Variants in DYRK1A observed in about 807,000 individuals in gnomAD.
DYRK1A encodes dual specificity tyrosine-phosphorylation-regulated kinase 1A.
DYRK1A carries 9 observed loss-of-function variants against 79.7 expected under a neutral mutation model. That is an observed-to-expected ratio of 0.11 (90% CI 0.07 to 0.20). The LOEUF (loss-of-function observed/expected upper bound fraction) is 0.20. Ranked by LOEUF, DYRK1A falls within the 10% of genes least tolerant of loss-of-function variation. The pLI is 1.00. For missense variants in DYRK1A, 622 were observed against 956.0 expected, an observed-to-expected ratio of 0.65 and a Z score of 4.61; for synonymous variants, 349 against 329.7, an observed-to-expected ratio of 1.06 and a Z score of -0.63.
At chr21:37,418,992 A>G (rs748742538) in intron 1 of DYRK1A, 6 of 152,230 alleles carry the variant, frequency 3.9e-5, no homozygotes, top group Non-Finnish European at 7.3e-5. Context: ...GAGCTTTTAA[A>G]GAACCTGGGA....
intron 1 of DYRK1A, among the ~76,000 whole-genome samples, chr21:37,393,211 T>A (rs1164113290): frequency 6.6e-6 from 1 of 152,156 alleles, no homozygotes; most frequent in Non-Finnish European, 1.5e-5. Flanking sequence ...TCTCAGTAAG[T>A]GAGTGCATTG....
chr21:37,372,134 C>A (rs1047700835), intron 1 of DYRK1A, among the ~76,000 whole-genome samples: 19 of 151,874 alleles, frequency 1.3e-4, no homozygotes, highest in African/African-American at 4.4e-4. Context: ...ATCTTGGCAC[C>A]CATGTATTTG....
At chr21:37,385,068 C>G (rs2049733527) in intron 1 of DYRK1A, among the ~76,000 whole-genome samples, 1 of 151,816 alleles carries the variant, frequency 6.6e-6, no homozygotes, top group Non-Finnish European at 1.5e-5. Flanking sequence ...TTGTGACAAG[C>G]AGAAGTTGGC....
chr21:37,367,657 C>T (rs2049336725), intron 1 of DYRK1A, 29 bp downstream of exon 1: 1 of 145,490 alleles, frequency 6.9e-6, no homozygotes, highest in African/African-American at 2.5e-5. Context: ...CGCGGCCCCG[C>T]CCGGCCTGGC....
At chr21:37,495,152 T>TTGTGTGTGTGTG (rs56226706) in intron 8 of DYRK1A, among the ~76,000 whole-genome samples, 25 of 137,738 alleles carry the variant, frequency 1.8e-4, no homozygotes, top group Non-Finnish European at 1.7e-4. Flanking sequence ...CTCTGGGATT[T>TTGTGTGTGTGTG]TGTGTGTGTG....
chr21:37,516,507 CTTAT>C lies in DYRK1A; in HGVS notation c.*3979_*3982del, dbSNP rs1267325748. The C allele has an allele frequency of 2.0e-5, 3 of 152,156 alleles. No individual in the cohort carries two copies. Among genetic ancestry groups the C allele is most frequent in the Non-Finnish European group, 4.4e-5 (3 of 68,022 alleles). The allele number at this position is 152,156 out of a possible 1,614,324, so 9.4% of individuals were successfully genotyped here. A position where few individuals can be genotyped will look rare whatever the true frequency, so the allele number is the denominator to read the frequency against. On this transcript the variant is annotated 3_prime_UTR_variant, in exon 12 of 12. Coordinates refer to ENST00000647188, the MANE Select transcript of DYRK1A (RefSeq NM_001347721.2). ...AAGAGAAGAAACCCTAAGAAGATAG[CTTAT>C]TTGTTATCCTCCCTTTTAATGACTA...
At chr21:37,463,886 T>G (rs977432844) in intron 2 of DYRK1A, among the ~76,000 whole-genome samples, 1 of 152,244 alleles carries the variant, frequency 6.6e-6, no homozygotes, top group Non-Finnish European at 1.5e-5. Context: ...CTCATAAGTT[T>G]CCACATTTAG....
chr21:37,475,222 T>G (rs1233610522), intron 3 of DYRK1A, among the ~76,000 whole-genome samples: 1 of 152,226 alleles, frequency 6.6e-6, no homozygotes, highest in Non-Finnish European at 1.5e-5. Flanking sequence ...TCACCTCAAC[T>G]TCCCTTTTAT....
intron 1 of DYRK1A, among the ~76,000 whole-genome samples, chr21:37,377,415 C>T (rs144954836): frequency 3.3e-5 from 5 of 151,970 alleles, no homozygotes; most frequent in East Asian, 1.9e-4. Context: ...CACCGTGCCC[C>T]GCATTTTTTT....
At chr21:37,490,704 T>G (rs1241388197) in intron 7 of DYRK1A, among the ~76,000 whole-genome samples, 1 of 151,830 alleles carries the variant, frequency 6.6e-6, no homozygotes, top group Non-Finnish European at 1.5e-5. Context: ...TAGCACTTAA[T>G]TACCTTGTGT....
intron 2 of DYRK1A, among the ~76,000 whole-genome samples, chr21:37,424,499 T>C (rs2050564339): frequency 6.6e-6 from 1 of 152,196 alleles, no homozygotes; most frequent in African/African-American, 2.4e-5. Flanking sequence ...ATTTTGAATA[T>C]TCAGGATGAT....
intron 2 of DYRK1A, among the ~76,000 whole-genome samples, chr21:37,449,059 C>T (rs767280814): frequency 1.3e-5 from 2 of 152,100 alleles, no homozygotes; most frequent in South Asian, 2.1e-4. Flanking sequence ...TACTTTTGTA[C>T]CTCTTCTCCA....
chr21:37,417,544 T>TC lies in DYRK1A; in HGVS notation c.-76-2755_-76-2754insC, dbSNP rs1569304704. On this transcript the variant is annotated intron_variant, in intron 1 of 11. Transcript: ENST00000647188. ...TTTTCTTTTTCTTTTTTTTTTTTTT[T>TC]TTTTTTTTTTACAAATCTTGGTGTA... Among the ~76,000 whole-genome samples, 62 of 127,480 alleles carry TC rather than the reference T, an allele frequency of 4.9e-4. 1 individual carries two copies. Among genetic ancestry groups the TC allele is most frequent in the East Asian group, 1.9e-3 (9 of 4,826 alleles). The allele number at this position is 127,480 out of a possible 152,430, so 83.6% of individuals were successfully genotyped here. A position where few individuals can be genotyped will look rare whatever the true frequency, so the allele number is the denominator to read the frequency against.
chr21:37,410,071 C>T (rs528156631), intron 1 of DYRK1A, among the ~76,000 whole-genome samples: 1 of 152,242 alleles, frequency 6.6e-6, no homozygotes, highest in African/African-American at 2.4e-5. Flanking sequence ...GATATAAAAA[C>T]TATTTTGAAG....
At chr21:37,368,192 G>A (rs1157340491) in intron 1 of DYRK1A, 1 of 152,164 alleles carries the variant, frequency 6.6e-6, no homozygotes, top group East Asian at 1.9e-4. Flanking sequence ...GGCACTCACT[G>A]GCCTCCGAAG....
intron 1 of DYRK1A, among the ~76,000 whole-genome samples, chr21:37,399,333 A>G (rs1021317225): frequency 3.3e-5 from 5 of 152,072 alleles, no homozygotes; most frequent in Admixed American, 3.3e-4. Flanking sequence ...TTTTGACAAG[A>G]GTGTGATTGC....
chr21:37,474,243 T>C (rs1222878355), intron 3 of DYRK1A, among the ~76,000 whole-genome samples: 1 of 152,266 alleles, frequency 6.6e-6, no homozygotes. Context: ...TTTATCATTA[T>C]ATTATTTTAG....
chr21:37,466,215 T>C (rs1363985832), intron 2 of DYRK1A, among the ~76,000 whole-genome samples: 1 of 152,224 alleles, frequency 6.6e-6, no homozygotes, highest in East Asian at 1.9e-4. Context: ...GATGGTCATT[T>C]GGATGTCTTG....
chr21:37,372,676 T>G (rs2049456311), intron 1 of DYRK1A, among the ~76,000 whole-genome samples: 1 of 152,116 alleles, frequency 6.6e-6, no homozygotes, highest in African/African-American at 2.4e-5. Context: ...TAAAATGAGG[T>G]TGATAGTAAT....
Sources: allele counts gnomAD v4.1 joint callset (sites outside exome capture counted in the v4.1 genomes callset), GRCh38; gene constraint gnomAD v4.1.1; transcripts MANE v1.5; gene names NCBI Gene and HGNC (gene_info 2026-07-23, HGNC 2026-07-21).